Variants in WRN observed in about 807,000 individuals in gnomAD.
WRN encodes WRN RecQ like helicase.
A neutral mutation model predicts 180.7 loss-of-function variants in WRN; 149 were observed. The ratio of observed to expected loss-of-function variants is 0.82; its 90% CI spans 0.72 to 0.94. The LOEUF (loss-of-function observed/expected upper bound fraction) is 0.94. Among genes scored for constraint, WRN ranks in the 40% least tolerant of loss-of-function variants. WRN has a pLI of 0.00. For synonymous variants in WRN, 548 were observed against 568.9 expected (o/e 0.96, Z 0.52); for missense variants, 1,661 against 1,700.1 (o/e 0.98, Z 0.40).
In WRN at chr8:31,081,137, AGAAGATGGATTT is replaced by A. The variant is rs1352082788; in HGVS notation, c.1120_1131del (p.Phe374_Gly377del). On this transcript the variant is annotated inframe_deletion, in exon 9 of 35. Coordinates refer to ENST00000298139, the MANE Select transcript of WRN (RefSeq NM_000553.6). The stretch of plus-strand genomic sequence containing the variant: ...TACTTGGAAATAAAGTGGAACGAAA[AGAAGATGGATTT>A]GAAGATGGAGTAGAAGACAACAAAT... The A allele has an allele frequency of 1.9e-6, 3 of 1,613,948 alleles. No homozygotes were observed. Among genetic ancestry groups the A allele is most frequent in the Non-Finnish European group, 2.5e-6 (3 of 1,179,984 alleles).
chr8:31,152,596 G>A (rs962011085), intron 31 of WRN, among the ~76,000 whole-genome samples: 2 of 151,562 alleles, frequency 1.3e-5, no homozygotes, highest in Non-Finnish European at 2.9e-5. Flanking sequence ...AATAGAAAAG[G>A]CAATAAGGAC....
At chr8:31,172,139 TTGTGTGTGTGTGTG>T (rs560889099) in intron 34 of WRN, among the ~76,000 whole-genome samples, 1 of 150,808 alleles carries the variant, frequency 6.6e-6, no homozygotes, top group African/African-American at 2.4e-5. Flanking sequence ...AACACTACCT[TTGTGTGTGTGTGTG>T]TGTGTGCCTG....
intron 13 of WRN, 78 bp from the exon 14 acceptor site, chr8:31,090,387 A>G: frequency 3.6e-6 from 5 of 1,392,060 alleles, no homozygotes; most frequent in Non-Finnish European, 5.1e-6. Flanking sequence ...GAGGAAATGA[A>G]AAATTGAATG....
chr8:31,090,966 A>G, intron 15 of WRN, 24 bp downstream of exon 15: 1 of 1,540,774 alleles, frequency 6.5e-7, no homozygotes, highest in South Asian at 1.1e-5. Flanking sequence ...TCATTGCCAC[A>G]ATATCACCCT....
chr8:31,149,267 G>A (rs1802996873), intron 30 of WRN, among the ~76,000 whole-genome samples: 1 of 151,384 alleles, frequency 6.6e-6, no homozygotes, highest in South Asian at 2.1e-4. Context: ...CGTGGTGGCG[G>A]GTGCCTGTAG....
chr8:31,082,652 C>T (rs556550286), intron 9 of WRN, among the ~76,000 whole-genome samples: 10 of 151,618 alleles, frequency 6.6e-5, no homozygotes, highest in South Asian at 2.1e-4. Flanking sequence ...GCTGGAGTGC[C>T]GTGGCGCAGT....
chr8:31,163,030 T>C (rs1271541672), intron 33 of WRN, among the ~76,000 whole-genome samples: 1 of 152,242 alleles, frequency 6.6e-6, no homozygotes, highest in Non-Finnish European at 1.5e-5. Context: ...AGAAAGAATG[T>C]TCCCCAAAAT....
intron 33 of WRN, among the ~76,000 whole-genome samples, chr8:31,158,633 C>G (rs1253113645): frequency 6.6e-6 from 1 of 152,092 alleles, no homozygotes; most frequent in Non-Finnish European, 1.5e-5. Context: ...ACAATTCCCC[C>G]CAAGAATTTG....
At chr8:31,149,119 G>A (rs745786417) in intron 30 of WRN, among the ~76,000 whole-genome samples, 8 of 152,092 alleles carry the variant, frequency 5.3e-5, no homozygotes, top group Non-Finnish European at 1.0e-4. Context: ...TATTCTGGCC[G>A]GGCGCTGTGG....
At chr8:31,084,995 T>A (rs935928689) in intron 10 of WRN, among the ~76,000 whole-genome samples, 171 bp from the exon 11 acceptor site, 1 of 151,988 alleles carries the variant, frequency 6.6e-6, no homozygotes, top group Admixed American at 6.6e-5. Flanking sequence ...TGTTCATTCT[T>A]CTCTCTCTCC....
At chr8:31,157,561 A>G (rs2130481800) in intron 33 of WRN, 31 bp downstream of exon 33, 1 of 1,613,280 alleles carries the variant, frequency 6.2e-7, no homozygotes, top group Non-Finnish European at 8.5e-7. Flanking sequence ...CTGCACCCTT[A>G]ATGACTTGAT....
intron 16 of WRN, among the ~76,000 whole-genome samples, chr8:31,092,439 TTGTG>T (rs142679273): frequency 2.7e-4 from 40 of 146,812 alleles, no homozygotes; most frequent in Admixed American, 7.5e-4. Context: ...CACACCCATT[TTGTG>T]TGTGTGTGTG....
Position 31,085,264 on chromosome 8 carries a change from A to T in WRN, c.1431+18A>T. The T allele has an allele frequency of 6.2e-7, 1 of 1,612,128 alleles. No homozygotes were observed. Among genetic ancestry groups the T allele is most frequent in the South Asian group, 1.1e-5 (1 of 91,010 alleles). On this transcript the variant is annotated intron_variant, in intron 11 of 34. Transcript: ENST00000298139. ...TGCTTAAGGTATGTTTACAATTATA[A>T]AAACATTACTTCAAGTTCTTTCCAA... is the stretch of plus-strand genomic sequence containing the variant.
In WRN at chr8:31,090,888, G is replaced by A; in HGVS notation, c.1775G>A (p.Gly592Asp). Residue 592 changes from glycine to aspartate, a missense_variant, in exon 15 of 35, where the codon GGC (glycine) becomes GAC (aspartate). By Grantham distance (94) the Gly-to-Asp change is moderately conservative (BLOSUM62 -1). Transcript: ENST00000298139. ...CCACCTGTTTATGTAGGCAAGATTG[G>A]CCTTGTTATCTCTCCCCTTATTTCT... ...QYPPVYVGKI[G>D]LVISPLISLM... is the part of the protein sequence containing the mutation. The A allele has an allele frequency of 6.2e-7, 1 of 1,612,768 alleles. No homozygotes were observed. Among genetic ancestry groups the A allele is most frequent in the Non-Finnish European group, 8.5e-7 (1 of 1,179,228 alleles).
rs373918096 is a variant in WRN at position 31,085,133 on chromosome 8, T to C, written c.1351-33T>C. ...AAAAGAGGATATGAAGTCAATTATATTGGAAATTAATGCTTAATACTTTTT... is the reference window on the plus strand; with the variant it reads ...AAAAGAGGATATGAAGTCAATTATACTGGAAATTAATGCTTAATACTTTTT... On this transcript the variant is annotated intron_variant, in intron 10 of 34. Coordinates refer to ENST00000298139, the MANE Select transcript of WRN (RefSeq NM_000553.6). The C allele has an allele frequency of 1.6e-3, 2,552 of 1,607,436 alleles. 2 individuals are homozygous for C. The highest frequency in any genetic ancestry group is 2.0e-3 in the Non-Finnish European group (2,397 of 1,175,068).
intron 34 of WRN, among the ~76,000 whole-genome samples, chr8:31,168,152 T>C (rs112866564): frequency 0.015 from 2,238 of 152,248 alleles, 46 homozygotes; most frequent in African/African-American, 0.049. Flanking sequence ...TATATAGTCA[T>C]GTCCTAGATA....
intron 1 of WRN, among the ~76,000 whole-genome samples, chr8:31,036,322 A>G (rs1352198132): frequency 6.6e-6 from 1 of 152,216 alleles, no homozygotes; most frequent in Non-Finnish European, 1.5e-5. Flanking sequence ...TGCTGCAGGA[A>G]ACATGGAAGT....
chr8:31,072,006 A>G (rs1029825861), intron 7 of WRN, among the ~76,000 whole-genome samples: 2 of 152,194 alleles, frequency 1.3e-5, no homozygotes, highest in East Asian at 1.9e-4. Flanking sequence ...GACCTGTAAG[A>G]CAGCAAAGTG....
intron 1 of WRN, among the ~76,000 whole-genome samples, chr8:31,045,501 C>A (rs565658515): frequency 4.6e-5 from 7 of 151,724 alleles, no homozygotes; most frequent in Admixed American, 2.0e-4. Flanking sequence ...CTCCCAGGTT[C>A]AAGCAATTCT....
Sources: gnomAD v4.1 joint callset for allele counts (sites outside exome capture counted in the v4.1 genomes callset) on GRCh38, gnomAD v4.1.1 for gene constraint, MANE v1.5 for transcripts, NCBI Gene and HGNC (gene_info 2026-07-23, HGNC 2026-07-21) for gene names.